Variants in ANK3 observed in about 807,000 individuals in gnomAD.
The protein encoded by ANK3 is ankyrin-3.
In ANK3, 57 loss-of-function variants were observed where a neutral mutation model predicts 370.9. The ratio of observed to expected loss-of-function variants is 0.15; its 90% CI spans 0.12 to 0.19. The LOEUF (loss-of-function observed/expected upper bound fraction) is 0.19, where lower values mean the gene tolerates loss of function less well. ANK3 is among the 10% of genes least tolerant of loss of function. The pLI is 1.00. For missense variants in ANK3, 4,439 were observed against 5,302.1 expected (o/e 0.84, Z 5.06); for synonymous variants, 1,929 against 1,946.3 (o/e 0.99, Z 0.23).
At chr10:60,269,776 T>C (rs967757162) in intron 5 of ANK3, among the ~76,000 whole-genome samples, 1 of 151,920 alleles carries the variant, frequency 6.6e-6, no homozygotes, top group Non-Finnish European at 1.5e-5. Context: ...TTAAAACTAA[T>C]GTTTTATTGA....
intron 2 of ANK3, among the ~76,000 whole-genome samples, chr10:60,461,400 G>T (rs987770773): frequency 2.0e-5 from 3 of 152,060 alleles, no homozygotes; most frequent in Admixed American, 2.0e-4. Context: ...CATATAACTG[G>T]ATCAAAATGA....
chr10:60,707,927 G>C (rs2079643345), intron 1 of ANK3, among the ~76,000 whole-genome samples: 1 of 152,114 alleles, frequency 6.6e-6, no homozygotes, highest in Non-Finnish European at 1.5e-5. Context: ...AGGGAAACAA[G>C]GACACTCTGC....
intron 8 of ANK3, among the ~76,000 whole-genome samples, chr10:60,229,950 C>T (rs1371815233): frequency 6.6e-6 from 1 of 152,086 alleles, no homozygotes; most frequent in Non-Finnish European, 1.5e-5. Flanking sequence ...CAGGCAGTGG[C>T]AACTCGCTAG....
At chr10:60,603,965 C>CA (rs959572005) in intron 2 of ANK3, among the ~76,000 whole-genome samples, 1 of 152,124 alleles carries the variant, frequency 6.6e-6, no homozygotes, top group African/African-American at 2.4e-5. Flanking sequence ...AGCATTTATT[C>CA]AAGCATTTGT....
intron 25 of ANK3, 44 bp from the exon 26 acceptor site, chr10:60,114,375 C>A: frequency 9.2e-7 from 1 of 1,092,486 alleles, no homozygotes; most frequent in Non-Finnish European, 1.4e-6. Flanking sequence ...ACAAACCATA[C>A]AAGACTGATT....
intron 7 of ANK3, among the ~76,000 whole-genome samples, chr10:60,249,677 C>T (rs72820470): frequency 0.018 from 2,739 of 152,282 alleles, 34 homozygotes; most frequent in Non-Finnish European, 0.027. Context: ...TCAGTCTGTG[C>T]CAACAGCTTT....
At chr10:60,622,121 T>A (rs1296211347) in intron 1 of ANK3, among the ~76,000 whole-genome samples, 1 of 152,196 alleles carries the variant, frequency 6.6e-6, no homozygotes, top group Non-Finnish European at 1.5e-5. Flanking sequence ...TTGATAAATA[T>A]TAGCTGTTGC....
intron 2 of ANK3, among the ~76,000 whole-genome samples, chr10:60,517,118 G>A (rs1283982041): frequency 6.6e-6 from 1 of 152,034 alleles, no homozygotes; most frequent in Non-Finnish European, 1.5e-5. Context: ...AGGCTGAAGT[G>A]CACTGGCGCG....
chr10:60,655,815 C>T (rs1002110970), intron 1 of ANK3, among the ~76,000 whole-genome samples: 1 of 152,168 alleles, frequency 6.6e-6, no homozygotes, highest in African/African-American at 2.4e-5. Context: ...GTGCCCTACA[C>T]AGGTGTACCA....
At chr10:60,548,112 A>T (rs1203580727) in intron 2 of ANK3, among the ~76,000 whole-genome samples, 3 of 152,116 alleles carry the variant, frequency 2.0e-5, no homozygotes, top group South Asian at 2.1e-4. Context: ...GAACTTTCAT[A>T]ATACCCAACA....
chr10:60,621,742 T>C (rs1479107981), intron 1 of ANK3, among the ~76,000 whole-genome samples: 8 of 152,320 alleles, frequency 5.3e-5, no homozygotes, highest in African/African-American at 1.9e-4. Flanking sequence ...AAGATGATAT[T>C]CGAGCAATAT....
At chr10:60,118,095 T>G (rs1250222211) in intron 25 of ANK3, among the ~76,000 whole-genome samples, 1 of 152,160 alleles carries the variant, frequency 6.6e-6, no homozygotes, top group Middle Eastern at 3.2e-3. Context: ...ATACGAGTTA[T>G]CAAAAATTAT....
At chr10:60,158,992 T>G (rs1202770361) in intron 23 of ANK3, among the ~76,000 whole-genome samples, 1 of 152,048 alleles carries the variant, frequency 6.6e-6, no homozygotes, top group Non-Finnish European at 1.5e-5. Context: ...AAAAAATCAC[T>G]TTTATACAAA....
intron 23 of ANK3, among the ~76,000 whole-genome samples, chr10:60,141,574 T>TTTG (rs2094566791): frequency 1.4e-5 from 2 of 145,602 alleles, no homozygotes. Context: ...TTTTTTTTTT[T>TTTG]TTTTTTTTTT....
chr10:60,589,234 G>C (rs957143208), intron 2 of ANK3, among the ~76,000 whole-genome samples: 2 of 152,086 alleles, frequency 1.3e-5, no homozygotes, highest in Non-Finnish European at 2.9e-5. Context: ...AAAGAAATTA[G>C]GTACCAGTTA....
chr10:60,648,314 G>A (rs546977702), intron 1 of ANK3, among the ~76,000 whole-genome samples: 54 of 90,220 alleles, frequency 6.0e-4, no homozygotes, highest in African/African-American at 1.7e-3. Context: ...CACCATGCCC[G>A]GCTAATTTTT....
chr10:60,068,529 C>T (rs1313039972), intron 37 of ANK3, 108 bp downstream of exon 37: 12 of 1,216,632 alleles, frequency 9.9e-6, no homozygotes, highest in Non-Finnish European at 1.3e-5. Flanking sequence ...CAGGCAATCA[C>T]AACAGTTCAT....
At chr10:60,264,474 C>T (rs2097850760) in intron 5 of ANK3, among the ~76,000 whole-genome samples, 2 of 151,788 alleles carry the variant, frequency 1.3e-5, no homozygotes, top group Admixed American at 6.6e-5. Flanking sequence ...TGTGAAACCC[C>T]GTCTCTACTA....
chr10:60,677,487 T>C (rs538720905), intron 1 of ANK3, among the ~76,000 whole-genome samples: 1 of 132,788 alleles, frequency 7.5e-6, no homozygotes, highest in Admixed American at 7.3e-5. Context: ...TGCAGAGATA[T>C]AACTTTTTAA....
Sources: gnomAD v4.1 joint callset for allele counts (sites outside exome capture counted in the v4.1 genomes callset) on GRCh38, gnomAD v4.1.1 for gene constraint, MANE v1.5 for transcripts, NCBI Gene and HGNC (gene_info 2026-07-23, HGNC 2026-07-21) for gene names.